MOK: variants seen among roughly 807,000 people sequenced by gnomAD.
MOK encodes the protein MAPK/MAK/MRK overlapping kinase.
Under a neutral mutation model 54.2 loss-of-function variants are expected in MOK, and 59 were observed. The ratio of observed to expected loss-of-function variants is 1.09; its 90% confidence interval spans 0.88 to 1.35. The LOEUF is 1.35. Among genes scored for constraint, MOK ranks in the 40% most tolerant of loss-of-function variants. The probability of loss-of-function intolerance (pLI) is 0.00; values close to 1 mark genes in which losing one functional copy is unlikely to be tolerated. For synonymous variants in MOK, 210 were observed against 202.7 expected (o/e 1.04, Z -0.31); for missense variants, 517 against 526.2 (o/e 0.98, Z 0.17).
At chr14:102,217,793 TG>T in the MOK span, among the ~76,000 whole-genome samples, 1 of 152,256 alleles carries the variant, frequency 6.6e-6, no homozygotes, top group Non-Finnish European at 1.5e-5. Flanking sequence ...TGTTCAGAGC[TG>T]GAAGTCTTGG....
chr14:102,265,845 G>A lies in MOK; in HGVS notation c.190C>T (p.Leu64Phe), dbSNP rs1677167661. The part of the protein sequence containing the change: ...LRRLNPHPNI[L>F]MLHEVVFDRK... ...TACAAAACCACTTCATGCAACATAA[G>A]AATGTTTGGGTGCGGATTCAGGCGC... is the stretch of plus-strand genomic sequence containing the variant. Residue 64 changes from leucine (L) to phenylalanine (F), a missense_variant, in exon 3 of 12, where the codon CTT becomes TTT. Physicochemically the swap from Leu to Phe is conservative, Grantham distance 22 (BLOSUM62 0). Coordinates refer to ENST00000361847, the MANE Select transcript of MOK (RefSeq NM_014226.3). The A allele has an allele frequency of 1.2e-6, 2 of 1,613,820 alleles. No individual in the cohort carries two copies. The highest frequency in any genetic ancestry group is 1.3e-5 in the African/African-American group (1 of 74,916).
In MOK at chr14:102,231,324, T is replaced by G. The variant is rs1386981945; in HGVS notation, c.981+383A>C. The G allele has an allele frequency of 1.2e-5, 2 of 164,720 alleles. No homozygotes were observed. Among genetic ancestry groups the G allele is most frequent in the Non-Finnish European group, 2.6e-5 (2 of 76,832 alleles). The allele number at this position is 164,720 out of a possible 1,614,324, so 10.2% of individuals were successfully genotyped here. A position where few individuals can be genotyped will look rare whatever the true frequency, so the allele number is the denominator to read the frequency against. Reference sequence around the variant, plus strand: ...CTGGGTGGGTGACTTGGGCCAGCATTGCATCTTCTTGGCGCCTCCCTCCAG... The same window carrying G: ...CTGGGTGGGTGACTTGGGCCAGCATGGCATCTTCTTGGCGCCTCCCTCCAG... On this transcript the variant is annotated intron_variant, in intron 10 of 11. Coordinates refer to ENST00000361847, the MANE Select transcript of MOK (RefSeq NM_014226.3). The surrounding 1 kb of genome is among the most constrained non-coding windows in gnomAD (Gnocchi z 4.4).
At chr14:102,304,917 G>A (rs781712781) in intron 1 of MOK, 45 bp downstream of exon 1, 11 of 401,500 alleles carry the variant, frequency 2.7e-5, no homozygotes, top group East Asian at 2.5e-4. Context: ...TCCCTCCCCC[G>A]CCACTCGCTC....
chr14:102,255,540 C>G (rs189869594), intron 4 of MOK, among the ~76,000 whole-genome samples: 9,235 of 149,046 alleles, frequency 0.062, 316 homozygotes, highest in South Asian at 0.12. Context: ...GTCCTGGTCC[C>G]GGGCCAGTAG....
At chr14:102,228,172 C>T (rs2064328326), downstream of MOK, among the ~76,000 whole-genome samples, 1 of 152,200 alleles carries the variant, frequency 6.6e-6, no homozygotes, top group African/African-American at 2.4e-5. Flanking sequence ...CAGCAAACAG[C>T]TCAAAGCACC....
intron 2 of MOK, among the ~76,000 whole-genome samples, chr14:102,281,513 A>G (rs981864707): frequency 6.6e-5 from 10 of 150,808 alleles, no homozygotes; most frequent in South Asian, 2.1e-4. Context: ...AAAAAAAAAA[A>G]AAAGAAAAAA....
intron 2 of MOK, among the ~76,000 whole-genome samples, chr14:102,282,504 G>A (rs914300835): frequency 6.6e-6 from 1 of 152,044 alleles, no homozygotes; most frequent in Non-Finnish European, 1.5e-5. Context: ...TGAGGCTAAG[G>A]CAGGCAGATA....
chr14:102,231,867 C>T lies in MOK; in HGVS notation c.867-46G>A, dbSNP rs1365659300. ...ATGGAGCAGCTCCACTGAGAGCCCG[C>T]AGAGCACACGGCCTACTGGCTTCTT... On this transcript the variant is annotated intron_variant, in intron 9 of 11. Coordinates refer to ENST00000361847, the MANE Select transcript of MOK (RefSeq NM_014226.3). This position sits in a 1 kb window ranked among gnomAD's most constrained non-coding sequence, Gnocchi z 4.4. 2 of 1,519,680 alleles carry T rather than the reference C, an allele frequency of 1.3e-6. No homozygotes were observed. Among genetic ancestry groups the T allele is most frequent in the African/African-American group, 1.4e-5 (1 of 73,042 alleles). 94.1% of individuals were successfully genotyped at this position (1,519,680 alleles called of 1,614,324 possible). A position where few individuals can be genotyped will look rare whatever the true frequency, so the allele number is the denominator to read the frequency against.
intron 4 of MOK, among the ~76,000 whole-genome samples, chr14:102,252,382 G>A (rs1387945631): frequency 1.3e-5 from 2 of 151,942 alleles, no homozygotes; most frequent in Admixed American, 1.3e-4. Flanking sequence ...TTGAACCCAG[G>A]AGGTGGAGGT....
chr14:102,279,941 G>T (rs2069245375), intron 2 of MOK, among the ~76,000 whole-genome samples: 1 of 151,940 alleles, frequency 6.6e-6, no homozygotes, highest in Non-Finnish European at 1.5e-5. Flanking sequence ...AGGGGTCAGA[G>T]GCTCCAAATA....
intron 2 of MOK, among the ~76,000 whole-genome samples, chr14:102,274,056 C>A (rs1200630282): frequency 9.2e-5 from 14 of 151,776 alleles, no homozygotes; most frequent in Non-Finnish European, 2.9e-5. Context: ...CTCCTGGGTT[C>A]ACTCCATTCT....
At chr14:102,215,799 G>A in the MOK span, among the ~76,000 whole-genome samples, 13 of 152,150 alleles carry the variant, frequency 8.5e-5, no homozygotes, top group African/African-American at 3.1e-4. Context: ...AGTGGGGGAC[G>A]TTCCATTTGG....
At chr14:102,298,424 T>C (rs1214624069) in intron 1 of MOK, among the ~76,000 whole-genome samples, 1 of 152,074 alleles carries the variant, frequency 6.6e-6, no homozygotes, top group Non-Finnish European at 1.5e-5. Flanking sequence ...CAGCACTCTG[T>C]ATCTAGCTCA....
At position 102,238,339 on chromosome 14, in the gene MOK, C is replaced by T. The variant is rs1421899617; in HGVS notation, c.591-4550G>A. On this transcript the variant is annotated intron_variant, in intron 7 of 11. Transcript: ENST00000361847. This position sits in a 1 kb window ranked among gnomAD's most constrained non-coding sequence, Gnocchi z 4.8. ...TTACACAGACTCCAAAGATGTATAT[C>T]ACATTCTTCATTCCCACGCCACCAT... The T allele has an allele frequency of 2.6e-5, 4 of 152,214 alleles. No homozygotes were observed. The highest frequency in any genetic ancestry group is 6.6e-5 in the Admixed American group (1 of 15,266). The allele number at this position is 152,214 out of a possible 1,614,324, so 9.4% of individuals were successfully genotyped here.
Position 102,263,574 on chromosome 14 carries a change from C to A in MOK, c.255G>T (p.Met85Ile). 1 of 1,605,520 alleles carries A rather than the reference C, an allele frequency of 6.2e-7. No individual in the cohort carries two copies. The highest frequency in any genetic ancestry group is 1.3e-5 in the African/African-American group (1 of 74,688). ...SGSLALICEL[M>I]DMNIYELIRG... ...GTATTAGCTCATAAATATTCATGTC[C>A]ATAAGTTCACATATTAGTGCAAGAG... The change falls in exon 4 of 12, where the codon ATG becomes ATT. Residue 85 changes from methionine to isoleucine, a missense_variant. Transcript: ENST00000361847.
chr14:102,229,962 G>A lies in MOK; in HGVS notation c.982-305C>T, dbSNP rs148254212. On this transcript the variant is annotated intron_variant, in intron 10 of 11. Coordinates refer to ENST00000361847, the MANE Select transcript of MOK (RefSeq NM_014226.3). ...CTCCTGCCTCCTGCTCTAGCTCCAAGGTCTCACACCCTGATCTGCCTGTCG... is the reference window on the plus strand; with the variant it reads ...CTCCTGCCTCCTGCTCTAGCTCCAAAGTCTCACACCCTGATCTGCCTGTCG... 1.2e-4 allele frequency: 43 copies of A among 371,744 alleles called. No individual in the cohort carries two copies. The South Asian group carries it at 1.4e-3, about 12-fold the overall frequency. The allele number at this position is 371,744 out of a possible 1,614,324, so 23.0% of individuals were successfully genotyped here.
At chr14:102,223,023 C>T (rs1046110944), downstream of MOK, 21 of 984,536 alleles carry the variant, frequency 2.1e-5, no homozygotes, top group Admixed American at 1.3e-4. Flanking sequence ...GGACGGTGAC[C>T]GGCTCACTCT....
chr14:102,219,566 TC>T (rs929159868), downstream of MOK, among the ~76,000 whole-genome samples: 14 of 152,370 alleles, frequency 9.2e-5, no homozygotes, highest in Admixed American at 9.1e-4. Flanking sequence ...CGCTTCGCCT[TC>T]CGGTTAACTC....
chr14:102,232,160 A>C lies in MOK; in HGVS notation c.867-339T>G, dbSNP rs1391222604. The C allele has an allele frequency of 6.0e-6, 2 of 334,594 alleles. No homozygotes were observed. The highest frequency in any genetic ancestry group is 8.9e-5 in the Admixed American group (2 of 22,440). The allele number at this position is 334,594 out of a possible 1,614,324, so 20.7% of individuals were successfully genotyped here. On this transcript the variant is annotated intron_variant, in intron 9 of 11. Transcript: ENST00000361847. The surrounding 1 kb of genome is among the most constrained non-coding windows in gnomAD (Gnocchi z 5.1). ...GACAGGTCTTAGATTCACATTCAGC[A>C]GGTACTTCCAGCGCCAGGTGACATC...
Sources: allele counts gnomAD v4.1 joint callset (sites outside exome capture counted in the v4.1 genomes callset), GRCh38; gene constraint gnomAD v4.1.1; non-coding constraint Gnocchi (gnomAD v3.1); transcripts MANE v1.5; gene names NCBI Gene and HGNC (gene_info 2026-07-23, HGNC 2026-07-21).